The following ACTR3C variants were observed in gnomAD, a reference collection of about 807,000 sequenced individuals.
The protein encoded by ACTR3C is actin related protein 3C.
A neutral mutation model predicts 26.3 loss-of-function variants in ACTR3C; 18 were observed. The ratio of observed to expected loss-of-function variants is 0.68; its 90% CI spans 0.47 to 1.01. The LOEUF (loss-of-function observed/expected upper bound fraction) is 1.01, where lower values mean the gene tolerates loss of function less well. Among genes scored for constraint, ACTR3C ranks in the 50% least tolerant of loss-of-function variants. ACTR3C has a pLI of 0.00. For synonymous variants in ACTR3C, 55 were observed against 94.5 expected, an observed-to-expected ratio of 0.58 and a Z score of 2.42; for missense variants, 184 against 250.7, an observed-to-expected ratio of 0.73 and a Z score of 1.80.
chr7:149,946,728 CT>C, the ACTR3C span, among the ~76,000 whole-genome samples: 2 of 152,172 alleles, frequency 1.3e-5, no homozygotes, highest in South Asian at 2.1e-4. Flanking sequence ...ATGGCACATT[CT>C]TTTTTTCTTA....
At chr7:150,009,267 T>C in the ACTR3C span, among the ~76,000 whole-genome samples, 3 of 152,234 alleles carry the variant, frequency 2.0e-5, no homozygotes, top group African/African-American at 7.2e-5. Context: ...CAAGACTGGC[T>C]GAGAGGGTAG....
chr7:150,211,889 CA>C, the ACTR3C span, among the ~76,000 whole-genome samples: 2 of 146,988 alleles, frequency 1.4e-5, no homozygotes, highest in Admixed American at 6.6e-5. Flanking sequence ...TTATGAAAAA[CA>C]AAATGAAAAA....
chr7:149,929,005 C>CT, the ACTR3C span, among the ~76,000 whole-genome samples: 12 of 152,214 alleles, frequency 7.9e-5, no homozygotes, highest in Admixed American at 6.5e-4. Context: ...CTCCTACAGA[C>CT]AATAAACAAA....
rs778609832 is a variant in ACTR3C at position 150,289,553 on chromosome 7, G to A, written c.194C>T (p.Pro65Leu). 29 of 1,600,812 alleles carry A rather than the reference G, an allele frequency of 1.8e-5. No homozygotes were observed. Among genetic ancestry groups the A allele is most frequent in the Admixed American group, 1.3e-4 (8 of 59,588 alleles). The change falls in exon 4 of 8, where the codon CCG (proline) becomes CTG (leucine). Residue 65 changes from proline to leucine, a missense_variant. Transcript: ENST00000683684. ...ATACGTAATATCTCTACCTGCAATCGGGATGTGTTTGATGCAGCTTCCAAT... is the reference window on the plus strand; with the variant it reads ...ATACGTAATATCTCTACCTGCAATCAGGATGTGTTTGATGCAGCTTCCAAT... ...YVIGSCIKHI[P>L]IAGRDITYFI...
At chr7:150,133,423 C>A in the ACTR3C span, among the ~76,000 whole-genome samples, 1 of 152,100 alleles carries the variant, frequency 6.6e-6, no homozygotes, top group Non-Finnish European at 1.5e-5. Context: ...GTTCATGCTC[C>A]GGCCTCTTTT....
chr7:150,063,576 C>A, the ACTR3C span, among the ~76,000 whole-genome samples: 1 of 151,618 alleles, frequency 6.6e-6, no homozygotes, highest in Non-Finnish European at 1.5e-5. Flanking sequence ...ACATGACTTT[C>A]ACTGAGTCTA....
chr7:150,152,630 G>A, the ACTR3C span, among the ~76,000 whole-genome samples: 2 of 152,178 alleles, frequency 1.3e-5, no homozygotes, highest in Admixed American at 6.5e-5. Context: ...CCCGGCTTTG[G>A]TATCAGGATG....
chr7:150,039,782 G>T, the ACTR3C span, among the ~76,000 whole-genome samples: 1 of 135,878 alleles, frequency 7.4e-6, no homozygotes, highest in African/African-American at 2.7e-5. Flanking sequence ...GAGCCAGGGG[G>T]GGAAGAGGGA....
At chr7:150,191,601 C>T in the ACTR3C span, among the ~76,000 whole-genome samples, 1 of 152,064 alleles carries the variant, frequency 6.6e-6, no homozygotes, top group South Asian at 2.1e-4. Flanking sequence ...AGTTCTAGAA[C>T]ATGTTTTGTG....
the ACTR3C span, among the ~76,000 whole-genome samples, chr7:150,196,670 T>C: frequency 6.6e-6 from 1 of 152,226 alleles, no homozygotes; most frequent in Non-Finnish European, 1.5e-5. Context: ...AGGTAAACAG[T>C]TTTGCGCTTG....
the ACTR3C span, among the ~76,000 whole-genome samples, chr7:149,964,126 C>A: frequency 6.6e-6 from 1 of 152,258 alleles, no homozygotes; most frequent in East Asian, 1.9e-4. Flanking sequence ...GGCAGAGACA[C>A]AACAACGTGC....
chr7:150,268,025 A>C (rs1834175639), intron 6 of ACTR3C, among the ~76,000 whole-genome samples: 1 of 152,188 alleles, frequency 6.6e-6, no homozygotes, highest in Non-Finnish European at 1.5e-5. Flanking sequence ...CAGAAGACAA[A>C]GTGATGGCAA....
the ACTR3C span, among the ~76,000 whole-genome samples, chr7:149,936,563 T>G: frequency 6.6e-6 from 1 of 152,340 alleles, no homozygotes; most frequent in Middle Eastern, 3.4e-3. Context: ...TTCAGCACAA[T>G]AAAACACTGT....
the ACTR3C span, among the ~76,000 whole-genome samples, chr7:149,932,698 A>G: frequency 7.3e-6 from 1 of 137,836 alleles, no homozygotes. Context: ...GGGGAGAGAG[A>G]GAAAGAGAAG....
the ACTR3C span, among the ~76,000 whole-genome samples, chr7:150,181,830 C>A: frequency 6.6e-6 from 1 of 150,526 alleles, no homozygotes; most frequent in African/African-American, 2.5e-5. Flanking sequence ...CTACAAAATA[C>A]TGAAATTGAG....
the ACTR3C span, among the ~76,000 whole-genome samples, chr7:150,214,215 A>G: frequency 6.6e-6 from 1 of 152,220 alleles, no homozygotes; most frequent in Non-Finnish European, 1.5e-5. Context: ...CTGTGGTCCA[A>G]TTTCGAGAAG....
At chr7:150,198,606 G>A in the ACTR3C span, among the ~76,000 whole-genome samples, 4 of 148,668 alleles carry the variant, frequency 2.7e-5, no homozygotes, top group East Asian at 8.1e-4. Context: ...TCCTCCGCCC[G>A]GCAGCCGCCC....
the ACTR3C span, among the ~76,000 whole-genome samples, chr7:150,088,563 T>C: frequency 2.6e-5 from 4 of 152,364 alleles, no homozygotes; most frequent in East Asian, 5.8e-4. Context: ...GCTTAATGTT[T>C]CTGAGCCTCA....
intron 1 of ACTR3C, among the ~76,000 whole-genome samples, chr7:150,303,308 T>G (rs2531019): frequency 2.0e-5 from 3 of 152,174 alleles, no homozygotes; most frequent in East Asian, 3.8e-4. Flanking sequence ...GTAATCAACT[T>G]GTGATCATGA....
Sources: allele counts gnomAD v4.1 joint callset (sites outside exome capture counted in the v4.1 genomes callset), GRCh38; gene constraint gnomAD v4.1.1; transcripts MANE v1.5; gene names NCBI Gene and HGNC (gene_info 2026-07-23, HGNC 2026-07-21).